HK3: variants seen among roughly 807,000 people sequenced by gnomAD.
HK3 encodes hexokinase 3.
HK3 carries 93 observed loss-of-function variants against 91.0 expected under a neutral mutation model. The observed-to-expected ratio is 1.02, with a 90% CI of 0.86 to 1.21. HK3 has a LOEUF of 1.21. HK3 is among the 50% of genes most tolerant of loss of function. The pLI is 0.00. For synonymous variants in HK3, 519 were observed against 516.9 expected (o/e 1.00, Z -0.06); for missense variants, 1,235 against 1,247.4 (o/e 0.99, Z 0.15).
intron 1 of HK3, 32 bp from the exon 2 acceptor site, chr5:176,896,217 C>CATTT: frequency 7.6e-7 from 1 of 1,311,498 alleles, no homozygotes; most frequent in Non-Finnish European, 1.1e-6. Context: ...CTGGGTCAAC[C>CATTT]ATTTACTCTA....
Position 176,896,178 on chromosome 5 carries a change from G to C in HK3, c.-19C>G. The C allele has an allele frequency of 1.9e-6, 3 of 1,573,164 alleles. No homozygotes were observed. The highest frequency in any genetic ancestry group is 2.6e-6 in the Non-Finnish European group (3 of 1,157,034). ...AGTCCATGAGCTTCCACAGTGGAAGGTGGCCACCTATGGGAGAAAAGGGAC... is the reference window on the plus strand; with the variant it reads ...AGTCCATGAGCTTCCACAGTGGAAGCTGGCCACCTATGGGAGAAAAGGGAC... On this transcript the variant is annotated 5_prime_UTR_variant, in exon 2 of 19. Transcript: ENST00000292432.
Position 176,890,618 on chromosome 5 carries a change from C to A in HK3, c.630+17G>T, listed in dbSNP as rs1758739241. The A allele has an allele frequency of 6.2e-7, 1 of 1,611,034 alleles. No individual in the cohort carries two copies. The highest frequency in any genetic ancestry group is 1.3e-5 in the African/African-American group (1 of 74,992). On this transcript the variant is annotated intron_variant, in intron 6 of 18. Coordinates refer to ENST00000292432, the MANE Select transcript of HK3 (RefSeq NM_002115.3). ...GCCAACATGGGCAGCCCTCCTGTCA[C>A]CCCTCCCTCCACTCACCCCCTGCCT...
chr5:176,886,788 C>G (rs1052224785), intron 13 of HK3, among the ~76,000 whole-genome samples: 3 of 152,208 alleles, frequency 2.0e-5, no homozygotes, highest in Admixed American at 1.3e-4. Context: ...CCAGTCTAGG[C>G]CTGACCTGCT....
At chr5:176,889,107 G>C (rs1422700524) in intron 8 of HK3, among the ~76,000 whole-genome samples, 1 of 152,214 alleles carries the variant, frequency 6.6e-6, no homozygotes, top group Non-Finnish European at 1.5e-5. Flanking sequence ...AAGGCAGAGA[G>C]CAGTTTGCTC....
rs1227292068 is a variant in HK3, at chr5:176,884,599, C to T, written c.1858-465G>A. ...CTCAGCTTCAGGGATAGAGCCGTGT[C>T]AATGGGCGAGTCACTCATGTGTTCC... On this transcript the variant is annotated intron_variant, in intron 13 of 18. Coordinates refer to ENST00000292432, the MANE Select transcript of HK3 (RefSeq NM_002115.3). This position sits in a 1 kb window ranked among gnomAD's most constrained non-coding sequence, Gnocchi z 4.1. 6.6e-6 allele frequency among the ~76,000 whole-genome samples: 1 copy of T among 152,168 alleles called. No homozygotes were observed.
intron 6 of HK3, 139 bp downstream of exon 6, chr5:176,890,496 T>A (rs1454606321): frequency 2.7e-6 from 2 of 743,434 alleles, no homozygotes; most frequent in Non-Finnish European, 4.7e-6. Context: ...ATGTATAGGT[T>A]AAACTGGATG....
rs1246534565 is a variant in HK3, at chr5:176,884,484, CAG to C, written c.1858-352_1858-351del. Among the ~76,000 whole-genome samples, 26 of 152,150 alleles carry C rather than the reference CAG, an allele frequency of 1.7e-4. No individual in the cohort carries two copies. The highest frequency in any genetic ancestry group is 1.4e-3 in the Admixed American group (21 of 15,272). ...GGTAAAGTGAGTGCTGTGTGTGAGA[CAG>C]GGGAGGACAGAGAAGGCTCAGAGGC... On this transcript the variant is annotated intron_variant, in intron 13 of 18. Coordinates refer to ENST00000292432, the MANE Select transcript of HK3 (RefSeq NM_002115.3). This position sits in a 1 kb window ranked among gnomAD's most constrained non-coding sequence, Gnocchi z 4.1.
rs1474092597 is a variant in HK3, at chr5:176,881,705, A to G, written c.2380T>C (p.Ser794Pro). ...GGCCTCAGGCACCTTTCGATCTCAG[A>G]GAGGAACTTGGTCTTGAAGATGTCC... is the stretch of plus-strand genomic sequence containing the variant. ...TRDIFKTKFL[S>P]EIESDSLALR... Residue 794 changes from serine (S) to proline (P), a missense_variant, in exon 17 of 19, where the codon TCT (serine) becomes CCT (proline). Ser to Pro is a moderately conservative substitution (Grantham distance 74). Coordinates refer to ENST00000292432, the MANE Select transcript of HK3 (RefSeq NM_002115.3). 6.2e-7 allele frequency: 1 copy of G among 1,614,114 alleles called. No individual in the cohort carries two copies. The highest frequency in any genetic ancestry group is 1.1e-5 in the South Asian group (1 of 91,086).
At position 176,891,441 on chromosome 5, in the gene HK3, G is replaced by T. The variant is rs1388211903; in HGVS notation, c.206C>A (p.Ala69Asp). The T allele has an allele frequency of 1.2e-6, 2 of 1,613,922 alleles. No individual in the cohort carries two copies. The highest frequency in any genetic ancestry group is 1.7e-6 in the Non-Finnish European group (2 of 1,179,994). Residue 69 changes from alanine to aspartate, a missense_variant, in exon 3 of 19, where the codon GCC becomes GAC. By Grantham distance (126) the Ala-to-Asp change is moderately radical. Around this residue, in one of 3 missense-constraint regions of HK3, gnomAD observed 717 missense variants for 751.6 expected, o/e 0.95. Coordinates refer to ENST00000292432, the MANE Select transcript of HK3 (RefSeq NM_002115.3). ...EQALRGQASP[A>D]PAVRMLPTYV... is the part of the protein sequence containing the mutation. The stretch of plus-strand genomic sequence containing the variant: ...TGTAGGCAGCATCCGGACCGCAGGG[G>T]CAGGGCTGGCCTGTCCCCTCAGCGC...
intron 4 of HK3, 40 bp from the exon 5 acceptor site, chr5:176,890,981 G>T: frequency 6.2e-7 from 1 of 1,613,908 alleles, no homozygotes; most frequent in Non-Finnish European, 8.5e-7. Flanking sequence ...GCCCATCTGA[G>T]CCCTAGCCAC....
chr5:176,886,939 C>T (rs1224141444), intron 13 of HK3, 63 bp downstream of exon 13: 5 of 1,600,152 alleles, frequency 3.1e-6, no homozygotes, highest in Non-Finnish European at 4.3e-6. Flanking sequence ...CTCCTGCCCA[C>T]TCCATGAAGG....
chr5:176,896,022 G>T, intron 2 of HK3, 42 bp downstream of exon 2: 1 of 1,524,012 alleles, frequency 6.6e-7, no homozygotes, highest in Non-Finnish European at 9.1e-7. Flanking sequence ...GCTCTTGAAG[G>T]CCTTAGACAA....
At position 176,889,413 on chromosome 5, in the gene HK3, C is replaced by T; in HGVS notation, c.882G>A (p.Leu294=). 6.2e-7 allele frequency: 1 copy of T among 1,614,152 alleles called. No homozygotes were observed. Among genetic ancestry groups the T allele is most frequent in the Non-Finnish European group, 8.5e-7 (1 of 1,180,014 alleles). Residue 294 remains leucine, a synonymous_variant, in exon 8 of 19, where the codon CTG becomes CTA. Coordinates refer to ENST00000292432, the MANE Select transcript of HK3 (RefSeq NM_002115.3). Reference sequence around the variant, plus strand: ...CACCAGGATTCAGGGACTCATGGTCCAGGGTATGGTCGAAGGTGGTCAGCA... The same window carrying T: ...CACCAGGATTCAGGGACTCATGGTCTAGGGTATGGTCGAAGGTGGTCAGCA... ...GPVLTTFDHT[L]DHESLNPGAQ...
rs756312063 is a variant in HK3 at position 176,881,117 on chromosome 5, C to A, written c.2728G>T (p.Val910Phe). The A allele has an allele frequency of 6.2e-7, 1 of 1,612,768 alleles. No homozygotes were observed. Among genetic ancestry groups the A allele is most frequent in the South Asian group, 1.1e-5 (1 of 91,076 alleles). The change falls in exon 19 of 19, where the codon GTC becomes TTC. Residue 910 changes from valine (V) to phenylalanine (F), a missense_variant. Physicochemically the swap from Val to Phe is conservative, Grantham distance 50 (BLOSUM62 -1). Around this residue, in one of 3 missense-constraint regions of HK3, gnomAD observed 513 missense variants for 477.4 expected, o/e 1.07. Transcript: ENST00000292432. ...EDGSGKGAAL[V>F]TAVACRLAQL... Reference sequence around the variant, plus strand: ...GCAAGGCGGCAGGCAACAGCGGTGACCAGGGCCGCACCTTTGCCGGACCCA... The same window carrying A: ...GCAAGGCGGCAGGCAACAGCGGTGAACAGGGCCGCACCTTTGCCGGACCCA...
In HK3 at chr5:176,887,222, C is replaced by T; in HGVS notation, c.1716G>A (p.Val572=). Residue 572 remains valine (V), a synonymous_variant, in exon 12 of 19, where the codon GTG becomes GTA. Coordinates refer to ENST00000292432, the MANE Select transcript of HK3 (RefSeq NM_002115.3). The surrounding 1 kb of genome is among the most constrained non-coding windows in gnomAD (Gnocchi z 4.9). ...TSEIYSIPET[V]AQGSGQQLFD... is the part of the protein sequence containing the mutation. ...GTACCTGCTGCCCAGAACCCTGGGC[C>T]ACAGTCTCGGGAATGGAGTAGATCT... 1 of 1,614,164 alleles carries T rather than the reference C, an allele frequency of 6.2e-7. No homozygotes were observed. Among genetic ancestry groups the T allele is most frequent in the Non-Finnish European group, 8.5e-7 (1 of 1,180,040 alleles).
chr5:176,890,698 C>G lies in HK3; in HGVS notation c.567G>C (p.Arg189Ser), dbSNP rs141730870. ...CATCCTGGCCTTCCACACCACTGCA[C>G]CTAAAACCTTTGGTCCAGGAAATGA... ...STLISWTKGF[R>S]CSGVEGQDVV... The change falls in exon 6 of 19, where the codon AGG (arginine) becomes AGC (serine). Residue 189 changes from arginine to serine, a missense_variant. By Grantham distance (110) the Arg-to-Ser change is moderately radical (BLOSUM62 -1). Transcript: ENST00000292432. The G allele has an allele frequency of 1.2e-5, 19 of 1,614,204 alleles. No homozygotes were observed. The highest frequency in any genetic ancestry group is 1.3e-5 in the African/African-American group (1 of 75,058).
chr5:176,889,072 C>T (rs977504166), intron 8 of HK3, among the ~76,000 whole-genome samples: 1 of 152,224 alleles, frequency 6.6e-6, no homozygotes, highest in African/African-American at 2.4e-5. Context: ...CAGAAGCCTC[C>T]TGGAGAACAA....
Position 176,891,368 on chromosome 5 carries a change from T to C in HK3, c.259+20A>G, listed in dbSNP as rs571883172. On this transcript the variant is annotated intron_variant, in intron 3 of 18. Coordinates refer to ENST00000292432, the MANE Select transcript of HK3 (RefSeq NM_002115.3). ...ACCCTCTTCCAGGCCTGGCCACGCA[T>C]CTCAATCTATGATACCCACCAGTGC... 6 of 1,610,446 alleles carry C rather than the reference T, an allele frequency of 3.7e-6. No individual in the cohort carries two copies. The Admixed American group carries it at 6.7e-5, about 18-fold the overall frequency.
intron 6 of HK3, 65 bp downstream of exon 6, chr5:176,890,570 C>T: frequency 7.2e-7 from 1 of 1,382,714 alleles, no homozygotes; most frequent in Non-Finnish European, 1.0e-6. Flanking sequence ...AGCCCAGACC[C>T]AACGCATGTG....
Sources: gnomAD v4.1 joint callset for allele counts (sites outside exome capture counted in the v4.1 genomes callset) on GRCh38, gnomAD v4.1.1 for gene constraint, gnomAD v4.1.1 regional missense constraint, Gnocchi (gnomAD v3.1) non-coding constraint, MANE v1.5 for transcripts, NCBI Gene and HGNC (gene_info 2026-07-23, HGNC 2026-07-21) for gene names.